Variants in NME7 observed in about 807,000 individuals in gnomAD.
NME7 encodes the protein nucleoside diphosphate kinase 7.
In NME7, 41 loss-of-function variants were observed where a neutral mutation model predicts 49.1. The observed-to-expected ratio is 0.83, with a 90% confidence interval of 0.65 to 1.08. The LOEUF (loss-of-function observed/expected upper bound fraction) is 1.08. Ranked by LOEUF, NME7 falls within the 50% of genes least tolerant of loss-of-function variation. The pLI, the probability that NME7 is intolerant of heterozygous loss-of-function variation, is 0.00. For synonymous variants in NME7, 139 were observed against 150.6 expected, an observed-to-expected ratio of 0.92 and a Z score of 0.56; for missense variants, 423 against 463.4, an observed-to-expected ratio of 0.91 and a Z score of 0.80.
intron 7 of NME7, chr1:169,247,098 A>G (rs746343500): frequency 2.0e-5 from 9 of 456,240 alleles, no homozygotes; most frequent in South Asian, 1.4e-4. Context: ...AAAGGAAGCT[A>G]AGAACAGCTA....
intron 10 of NME7, among the ~76,000 whole-genome samples, chr1:169,198,486 C>A (rs1400721576): frequency 6.6e-6 from 1 of 151,960 alleles, no homozygotes; most frequent in Non-Finnish European, 1.5e-5. Flanking sequence ...AAAGAATAAA[C>A]AAAATCTGGT....
At chr1:169,300,386 T>A (rs942705725) in intron 5 of NME7, among the ~76,000 whole-genome samples, 1 of 152,124 alleles carries the variant, frequency 6.6e-6, no homozygotes, top group Non-Finnish European at 1.5e-5. Flanking sequence ...CAAATTTTTT[T>A]AAAAACCCAC....
chr1:169,283,856 C>T (rs1313987886), intron 7 of NME7: 5 of 152,172 alleles, frequency 3.3e-5, no homozygotes, highest in Non-Finnish European at 7.3e-5. Flanking sequence ...GTAACCCAAC[C>T]TTTCTCTCTG....
intron 7 of NME7, among the ~76,000 whole-genome samples, chr1:169,257,280 A>T (rs1648987775): frequency 7.4e-6 from 1 of 134,382 alleles, no homozygotes. Flanking sequence ...GCCATTTTTT[A>T]AGCCTGTCAG....
intron 1 of NME7, among the ~76,000 whole-genome samples, chr1:169,336,064 C>T (rs71635619): frequency 0.07 from 10,623 of 151,834 alleles, 1,480 homozygotes; most frequent in East Asian, 0.66. Flanking sequence ...CAGATGTGTT[C>T]GGAGTTTCTT....
At chr1:169,293,301 CA>C (rs200283897) in intron 6 of NME7, among the ~76,000 whole-genome samples, 39,659 of 108,592 alleles carry the variant, frequency 0.37, 5,379 homozygotes, top group African/African-American at 0.46. Context: ...CTCTTGTCTC[CA>C]AAAAAAAAAA....
chr1:169,212,570 C>G (rs2101795428), intron 10 of NME7, among the ~76,000 whole-genome samples: 1 of 149,882 alleles, frequency 6.7e-6, no homozygotes, highest in East Asian at 2.0e-4. Flanking sequence ...TATTTTAACT[C>G]TCACACTTCA....
chr1:169,173,288 A>G (rs1659655989), intron 10 of NME7, among the ~76,000 whole-genome samples: 1 of 152,210 alleles, frequency 6.6e-6, no homozygotes, highest in Non-Finnish European at 1.5e-5. Flanking sequence ...ACCAAATATT[A>G]TATTATCTTT....
chr1:169,137,131 T>C, intron 11 of NME7, among the ~76,000 whole-genome samples: 1 of 152,246 alleles, frequency 6.6e-6, no homozygotes, highest in East Asian at 1.9e-4. Context: ...GTTTTAAATA[T>C]ATCAGTGTAT....
intron 10 of NME7, among the ~76,000 whole-genome samples, chr1:169,180,479 C>T (rs1659892860): frequency 6.6e-6 from 1 of 152,168 alleles, no homozygotes; most frequent in African/African-American, 2.4e-5. Context: ...TCCAAAGATC[C>T]AACCACTTGG....
At chr1:169,296,406 C>T (rs189965923) in intron 6 of NME7, among the ~76,000 whole-genome samples, 1 of 152,274 alleles carries the variant, frequency 6.6e-6, no homozygotes, top group East Asian at 1.9e-4. Context: ...ATAATTATCT[C>T]TCAGTTTTTC....
In NME7 at chr1:169,282,574, T is replaced by C. The variant is rs1650067908; in HGVS notation, c.754+4729A>G. ...AATTTTAGATCTTTCCTGCTTTCTC[T>C]TGTGGGCATTTAGAGCTATAATTTT... On this transcript the variant is annotated intron_variant, in intron 7 of 11. Transcript: ENST00000367811. Among the ~76,000 whole-genome samples, 3 of 152,198 alleles carry C rather than the reference T, an allele frequency of 2.0e-5. No homozygotes were observed. In the South Asian group the frequency reaches 6.2e-4, roughly 32 times the overall value.
chr1:169,141,290 C>T (rs191968045), intron 11 of NME7, among the ~76,000 whole-genome samples: 61 of 152,252 alleles, frequency 4.0e-4, no homozygotes, highest in African/African-American at 1.4e-3. Flanking sequence ...CTAGTATCCA[C>T]AGTACCTTGG....
chr1:169,138,948 G>A (rs1658511393), intron 11 of NME7, among the ~76,000 whole-genome samples: 2 of 152,130 alleles, frequency 1.3e-5, no homozygotes, highest in African/African-American at 4.8e-5. Flanking sequence ...TCATAAAATT[G>A]TGTTTCATGA....
intron 10 of NME7, among the ~76,000 whole-genome samples, chr1:169,182,044 A>G (rs974085779): frequency 1.3e-5 from 2 of 151,920 alleles, no homozygotes; most frequent in Admixed American, 6.6e-5. Context: ...CTCTTTTCTG[A>G]GTTGCAGGCT....
intron 7 of NME7, among the ~76,000 whole-genome samples, chr1:169,251,085 T>A (rs1648552842): frequency 6.6e-6 from 1 of 152,122 alleles, no homozygotes; most frequent in African/African-American, 2.4e-5. Context: ...TGCAGTCTCA[T>A]ACTATTATTA....
chr1:169,211,498 T>C (rs1660818015), intron 10 of NME7, among the ~76,000 whole-genome samples: 2 of 152,160 alleles, frequency 1.3e-5, no homozygotes, highest in Admixed American at 1.3e-4. Flanking sequence ...CTAAATCACC[T>C]GGAAAAAATA....
At chr1:169,332,872 G>C (rs1652311181) in intron 1 of NME7, among the ~76,000 whole-genome samples, 2 of 152,274 alleles carry the variant, frequency 1.3e-5, no homozygotes, top group African/African-American at 4.8e-5. Context: ...ACTGTTGTTA[G>C]GAATGTAAAT....
At chr1:169,349,948 T>C (rs184363256) in intron 1 of NME7, among the ~76,000 whole-genome samples, 1 of 152,130 alleles carries the variant, frequency 6.6e-6, no homozygotes, top group African/African-American at 2.4e-5. Context: ...CCCAGCACTT[T>C]GGGAGGCCGA....
Sources: gnomAD v4.1 joint callset for allele counts (sites outside exome capture counted in the v4.1 genomes callset) on GRCh38, gnomAD v4.1.1 for gene constraint, MANE v1.5 for transcripts, NCBI Gene and HGNC (gene_info 2026-07-23, HGNC 2026-07-21) for gene names.